The following TAF2 variants were observed in gnomAD, a reference collection of about 807,000 sequenced individuals.
The protein encoded by TAF2 is TATA-box binding protein associated factor 2.
Under a neutral mutation model 138.5 loss-of-function variants are expected in TAF2, and 61 were observed. That is an observed-to-expected ratio of 0.44 (90% CI 0.36 to 0.54). The LOEUF (loss-of-function observed/expected upper bound fraction) is 0.54, where lower values mean the gene tolerates loss of function less well. Among genes scored for constraint, TAF2 ranks in the 20% least tolerant of loss-of-function variants. TAF2 has a pLI of 0.00. For missense variants in TAF2, 1,090 were observed against 1,427.9 expected (o/e 0.76, Z 3.81); for synonymous variants, 475 against 469.9 (o/e 1.01, Z -0.14).
chr8:119,734,908 A>G (rs780634252), intron 25 of TAF2, among the ~76,000 whole-genome samples: 2 of 152,208 alleles, frequency 1.3e-5, no homozygotes, highest in South Asian at 4.1e-4. Context: ...ATAAGGAAAC[A>G]AAGAACATCT....
Position 119,781,074 on chromosome 8 carries a change from A to G in TAF2, c.2232T>C (p.Phe744=), listed in dbSNP as rs762439409. 5 of 1,613,440 alleles carry G rather than the reference A, an allele frequency of 3.1e-6. No homozygotes were observed. The South Asian group carries it at 5.5e-5, about 18-fold the overall frequency. ...NIVKTNNFMS[F]QSYFLQKTMP... ...GTACCTTCTGTAGAAAATAGCTTTG[A>G]AAGCTCATAAAGTTGTTTGTTTTCA... is the stretch of plus-strand genomic sequence containing the variant. Residue 744 remains phenylalanine, a synonymous_variant, in exon 17 of 26, where the codon TTT becomes TTC. Transcript: ENST00000378164.
At chr8:119,762,693 T>C in intron 18 of TAF2, 85 bp from the exon 19 acceptor site, 6 of 1,305,426 alleles carry the variant, frequency 4.6e-6, no homozygotes, top group Non-Finnish European at 6.3e-6. Flanking sequence ...TAATTACATT[T>C]TAGATAAAAT....
chr8:119,789,069 A>G (rs946106328), intron 12 of TAF2, among the ~76,000 whole-genome samples, 165 bp from the exon 13 acceptor site: 3 of 152,218 alleles, frequency 2.0e-5, no homozygotes, highest in Non-Finnish European at 4.4e-5. Flanking sequence ...AGTACTTGTG[A>G]AAAATGCTTT....
At chr8:119,795,500 T>A (rs1823759654) in intron 9 of TAF2, 32 bp downstream of exon 9, 2 of 1,554,640 alleles carry the variant, frequency 1.3e-6, no homozygotes, top group African/African-American at 2.7e-5. Flanking sequence ...ACATAAGACT[T>A]GTAAGTGGAT....
chr8:119,801,823 C>A lies in TAF2; in HGVS notation c.763G>T (p.Glu255Ter). 2 of 1,614,104 alleles carry A rather than the reference C, an allele frequency of 1.2e-6. No homozygotes were observed. The highest frequency in any genetic ancestry group is 8.5e-7 in the Non-Finnish European group (1 of 1,180,006). Residue 255 changes from glutamate (E) to a stop codon, truncating the protein, a stop_gained, in exon 6 of 26, where the codon GAA (glutamate) becomes TAA (stop). Coordinates refer to ENST00000378164, the MANE Select transcript of TAF2 (RefSeq NM_003184.4). LOFTEE classifies it high-confidence loss of function. ...TGCATGTATGGATCTACCAGTATTT[C>A]AAATGGTCCAATGGCCAAGGAGATA... ...SNISLAIGPF[E>*]ILVDPYMHEV...
intron 15 of TAF2, among the ~76,000 whole-genome samples, chr8:119,784,406 T>A (rs1822880240): frequency 6.6e-6 from 1 of 151,966 alleles, no homozygotes; most frequent in Admixed American, 6.6e-5. Context: ...AATACAAAAA[T>A]TAGCCAGGCA....
chr8:119,740,491 T>TAAAA (rs34577375), intron 25 of TAF2, among the ~76,000 whole-genome samples: 59 of 86,908 alleles, frequency 6.8e-4, no homozygotes, highest in African/African-American at 2.5e-3. Context: ...CTGTCTCTAC[T>TAAAA]AAAAAAAAAA....
intron 24 of TAF2, among the ~76,000 whole-genome samples, chr8:119,743,891 C>A (rs1290462225): frequency 1.3e-5 from 2 of 152,078 alleles, no homozygotes; most frequent in East Asian, 3.9e-4. Context: ...AGGAAAATGA[C>A]TGACATAATA....
At chr8:119,789,046 GCAAAGTATT>G in intron 12 of TAF2, 142 bp from the exon 13 acceptor site, 1 of 646,884 alleles carries the variant, frequency 1.5e-6, no homozygotes, top group Non-Finnish European at 2.8e-6. Flanking sequence ...AAACCAGGTG[GCAAAGTATT>G]CAAAGTACTT....
chr8:119,787,978 G>A (rs965969189), intron 14 of TAF2, among the ~76,000 whole-genome samples: 2 of 152,152 alleles, frequency 1.3e-5, no homozygotes, highest in East Asian at 1.9e-4. Flanking sequence ...CTCAGCAAAC[G>A]AACACAGGAA....
chr8:119,811,423 C>T (rs1825045382), intron 3 of TAF2, among the ~76,000 whole-genome samples: 1 of 151,118 alleles, frequency 6.6e-6, no homozygotes. Flanking sequence ...GAAAGCTACA[C>T]ACGCCCTAGT....
intron 25 of TAF2, among the ~76,000 whole-genome samples, chr8:119,738,844 G>A (rs1005513432): frequency 1.3e-5 from 2 of 151,920 alleles, no homozygotes; most frequent in African/African-American, 4.8e-5. Flanking sequence ...AAAACCTGCA[G>A]TTTTTATTAG....
rs907805258 is a variant in TAF2 at position 119,790,546 on chromosome 8, T to C, written c.1413+778A>G. 2.6e-5 allele frequency among the ~76,000 whole-genome samples: 4 copies of C among 152,304 alleles called. No individual in the cohort carries two copies. In the South Asian group the frequency reaches 6.2e-4, roughly 24 times the overall value. On this transcript the variant is annotated intron_variant, in intron 11 of 25. Coordinates refer to ENST00000378164, the MANE Select transcript of TAF2 (RefSeq NM_003184.4). ...TTTAAAAAAAGCATTATTTTTTACC[T>C]GCCTCTAAGAATGTTAACAATGAAA...
intron 5 of TAF2, among the ~76,000 whole-genome samples, chr8:119,802,869 T>C (rs1024407750): frequency 6.6e-6 from 1 of 152,118 alleles, no homozygotes; most frequent in Non-Finnish European, 1.5e-5. Flanking sequence ...CGAGATTGCA[T>C]GAGCCGAGAT....
chr8:119,731,629 G>C lies in TAF2; in HGVS notation c.*295C>G. ...TACACATGGAGACCATGATGCGAAC[G>C]GGGACTGCCAGTGGATATGAGGGCT... On this transcript the variant is annotated 3_prime_UTR_variant, in exon 26 of 26. Coordinates refer to ENST00000378164, the MANE Select transcript of TAF2 (RefSeq NM_003184.4). 3 of 409,660 alleles carry C rather than the reference G, an allele frequency of 7.3e-6. No individual in the cohort carries two copies. The highest frequency in any genetic ancestry group is 1.4e-5 in the Non-Finnish European group (3 of 219,654). The allele number at this position is 409,660 out of a possible 1,614,324, so 25.4% of individuals were successfully genotyped here.
At chr8:119,786,028 C>T (rs1822989342) in intron 14 of TAF2, among the ~76,000 whole-genome samples, 1 of 152,148 alleles carries the variant, frequency 6.6e-6, no homozygotes, top group African/African-American at 2.4e-5. Context: ...CCTTAAAAGA[C>T]TTCAAAGTCA....
intron 3 of TAF2, among the ~76,000 whole-genome samples, chr8:119,817,249 C>G (rs1332749998): frequency 6.6e-6 from 1 of 152,082 alleles, no homozygotes; most frequent in African/African-American, 2.4e-5. Flanking sequence ...GGTCTGTGGC[C>G]TGTTAGGAAC....
At chr8:119,793,525 TA>T in intron 9 of TAF2, 74 bp from the exon 10 acceptor site, 3 of 1,037,224 alleles carry the variant, frequency 2.9e-6, no homozygotes, top group Non-Finnish European at 4.4e-6. Flanking sequence ...ATTTTAGAAT[TA>T]AACTGTGAAT....
intron 22 of TAF2, among the ~76,000 whole-genome samples, chr8:119,748,973 G>A (rs1254950231): frequency 6.6e-6 from 1 of 151,870 alleles, no homozygotes; most frequent in Non-Finnish European, 1.5e-5. Context: ...TTGCTGTTTG[G>A]AAGAAAACTA....
Sources: gnomAD v4.1 joint callset for allele counts (sites outside exome capture counted in the v4.1 genomes callset) on GRCh38, gnomAD v4.1.1 for gene constraint, MANE v1.5 for transcripts, NCBI Gene and HGNC (gene_info 2026-07-23, HGNC 2026-07-21) for gene names.